NRBF2: variants seen among roughly 807,000 people sequenced by gnomAD.
The protein encoded by NRBF2 is nuclear receptor-binding factor 2.
NRBF2 carries 12 observed loss-of-function variants against 28.5 expected under a neutral mutation model. The observed-to-expected ratio is 0.42, with a 90% CI of 0.27 to 0.68. The LOEUF is 0.68. Ranked by LOEUF, NRBF2 falls within the 30% of genes least tolerant of loss-of-function variation. The pLI, the probability that NRBF2 is intolerant of heterozygous loss-of-function variation, is 0.24. For synonymous variants in NRBF2, 102 were observed against 116.5 expected, an observed-to-expected ratio of 0.88 and a Z score of 0.80; for missense variants, 274 against 333.5, an observed-to-expected ratio of 0.82 and a Z score of 1.39.
In NRBF2 at chr10:63,145,612, T is replaced by A. The variant is rs1841548573; in HGVS notation, c.31-597T>A. ...TTTGCTGTTAGAACTTCTGATTTTT[T>A]TGACTTTGTTCTTTTGATGAGATAT... On this transcript the variant is annotated intron_variant, in intron 1 of 3. Coordinates refer to ENST00000277746, the MANE Select transcript of NRBF2 (RefSeq NM_030759.5). Among the ~76,000 whole-genome samples, 4 of 152,264 alleles carry A rather than the reference T, an allele frequency of 2.6e-5. No individual in the cohort carries two copies. In the South Asian group the frequency reaches 8.3e-4, roughly 31 times the overall value.
chr10:63,149,203 G>A (rs1218086678), intron 2 of NRBF2, among the ~76,000 whole-genome samples: 6 of 152,080 alleles, frequency 3.9e-5, no homozygotes, highest in East Asian at 3.9e-4. Context: ...TGCAACCTCC[G>A]CCTCCCAGGC....
chr10:63,143,062 T>A (rs1841500645), intron 1 of NRBF2, among the ~76,000 whole-genome samples: 2 of 152,162 alleles, frequency 1.3e-5, no homozygotes, highest in South Asian at 4.1e-4. Context: ...ATTACAGGCA[T>A]GAGCCACTGC....
chr10:63,133,382 C>A lies in NRBF2; in HGVS notation c.-89C>A, dbSNP rs778317626. 5 of 1,502,288 alleles carry A rather than the reference C, an allele frequency of 3.3e-6. 1 individual carries two copies. The highest frequency in any genetic ancestry group is 1.8e-4 in the Middle Eastern group (1 of 5,636). The allele number at this position is 1,502,288 out of a possible 1,614,324, so 93.1% of individuals were successfully genotyped here. A position where few individuals can be genotyped will look rare whatever the true frequency, so the allele number is the denominator to read the frequency against. On this transcript the variant is annotated 5_prime_UTR_variant, in exon 1 of 4. Transcript: ENST00000277746. ...GGGCGCAGAGAGGGGCCGCAGTCTCCGCGGCTGCGTCGAGCTCCCTTGCAG... is the reference window on the plus strand; with the variant it reads ...GGGCGCAGAGAGGGGCCGCAGTCTCAGCGGCTGCGTCGAGCTCCCTTGCAG...
At chr10:63,135,173 C>T (rs1366799831) in intron 1 of NRBF2, among the ~76,000 whole-genome samples, 1 of 152,120 alleles carries the variant, frequency 6.6e-6, no homozygotes, top group African/African-American at 2.4e-5. Flanking sequence ...GGCGACAGAG[C>T]GAGACTCTGA....
intron 1 of NRBF2, among the ~76,000 whole-genome samples, chr10:63,144,477 C>T (rs1346840555): frequency 3.3e-5 from 5 of 149,822 alleles, no homozygotes; most frequent in African/African-American, 9.8e-5. Flanking sequence ...TGGAGTGGCG[C>T]GATCTCGGCT....
At chr10:63,147,078 T>A (rs10733787) in intron 2 of NRBF2, among the ~76,000 whole-genome samples, 101,092 of 151,954 alleles carry the variant, frequency 0.67, 36,173 homozygotes, top group Non-Finnish European at 0.81. Context: ...TACTCATGCC[T>A]CATCCAAAAT....
At chr10:63,152,093 A>T in intron 2 of NRBF2, 57 bp from the exon 3 acceptor site, 1 of 1,257,064 alleles carries the variant, frequency 8.0e-7, no homozygotes, top group Non-Finnish European at 1.2e-6. Flanking sequence ...TCTTCCTTTT[A>T]CCTGTTAATT....
intron 1 of NRBF2, among the ~76,000 whole-genome samples, chr10:63,145,799 T>C (rs1233440683): frequency 6.6e-6 from 1 of 152,252 alleles, no homozygotes; most frequent in Non-Finnish European, 1.5e-5. Context: ...ATTTCCTGAT[T>C]ATAGTTTTTA....
intron 1 of NRBF2, among the ~76,000 whole-genome samples, chr10:63,143,482 G>A (rs146761441): frequency 1.1e-3 from 168 of 150,898 alleles, no homozygotes; most frequent in African/African-American, 3.9e-3. Flanking sequence ...TTTTGGGACC[G>A]AGTCTCACTG....
chr10:63,137,658 AAAAGT>A lies in NRBF2; in HGVS notation c.30+4160_30+4164del, dbSNP rs576427810. Among the ~76,000 whole-genome samples, 21 of 152,326 alleles carry A rather than the reference AAAAGT, an allele frequency of 1.4e-4. No homozygotes were observed. The South Asian group carries it at 4.3e-3, about 32-fold the overall frequency. ...CCTCTTACTTTCCAGCTTCTGTAAG[AAAAGT>A]AGTCAGATATCATGGTCCAAGGAAT... On this transcript the variant is annotated intron_variant, in intron 1 of 3. Coordinates refer to ENST00000277746, the MANE Select transcript of NRBF2 (RefSeq NM_030759.5).
chr10:63,146,322 A>G (rs1339010578), intron 2 of NRBF2, 29 bp downstream of exon 2: 2 of 1,477,172 alleles, frequency 1.4e-6, no homozygotes, highest in South Asian at 2.4e-5. Flanking sequence ...TACTCAGTGT[A>G]AAACTGAAGA....
In NRBF2 at chr10:63,154,304, TAGA is replaced by T; in HGVS notation, c.*89_*91del. The T allele has an allele frequency of 1.1e-6, 1 of 883,816 alleles. No homozygotes were observed. Among genetic ancestry groups the T allele is most frequent in the Non-Finnish European group, 1.7e-6 (1 of 574,962 alleles). The allele number at this position is 883,816 out of a possible 1,614,324, so 54.7% of individuals were successfully genotyped here. On this transcript the variant is annotated 3_prime_UTR_variant, in exon 4 of 4. Transcript: ENST00000277746. ...AAAGAAATGAAAAGGGAAAACCACA[TAGA>T]AGGGTAATCCCGGAAATGCTTCATC...
At chr10:63,146,381 C>T in intron 2 of NRBF2, 88 bp downstream of exon 2, 1 of 828,948 alleles carries the variant, frequency 1.2e-6, no homozygotes. Flanking sequence ...ATATGCAAGA[C>T]TGATACTGCT....
chr10:63,136,035 C>T (rs1265063232), intron 1 of NRBF2, among the ~76,000 whole-genome samples: 2 of 151,812 alleles, frequency 1.3e-5, no homozygotes, highest in East Asian at 3.8e-4. Flanking sequence ...CAGACGTTGA[C>T]GGTTACTTGA....
intron 2 of NRBF2, among the ~76,000 whole-genome samples, chr10:63,149,395 CAG>C (rs1285130371): frequency 3.3e-5 from 5 of 152,160 alleles, no homozygotes; most frequent in African/African-American, 1.2e-4. Context: ...AGATATTCTT[CAG>C]ATTTCCTTAG....
At chr10:63,139,692 C>T (rs1429595356) in intron 1 of NRBF2, among the ~76,000 whole-genome samples, 50 of 152,200 alleles carry the variant, frequency 3.3e-4, no homozygotes, top group Admixed American at 3.3e-3. Flanking sequence ...CCTTTTCAGG[C>T]TTGTCTGCTT....
At chr10:63,149,516 T>TTCTA (rs774638610) in intron 2 of NRBF2, among the ~76,000 whole-genome samples, 1 of 152,264 alleles carries the variant, frequency 6.6e-6, no homozygotes, top group Non-Finnish European at 1.5e-5. Context: ...GATACTCTGT[T>TTCTA]TCTAAATTTC....
chr10:63,140,232 C>T (rs868823081), intron 1 of NRBF2, among the ~76,000 whole-genome samples: 22 of 152,208 alleles, frequency 1.4e-4, no homozygotes, highest in Middle Eastern at 3.4e-3. Context: ...GTTTACAAAA[C>T]GAATCATCTG....
chr10:63,145,524 A>G (rs1376667460), intron 1 of NRBF2, among the ~76,000 whole-genome samples: 1 of 152,234 alleles, frequency 6.6e-6, no homozygotes, highest in Non-Finnish European at 1.5e-5. Flanking sequence ...GCTCTTTTGA[A>G]ATTATTAAAG....
Sources: allele counts gnomAD v4.1 joint callset (sites outside exome capture counted in the v4.1 genomes callset), GRCh38; gene constraint gnomAD v4.1.1; transcripts MANE v1.5; gene names NCBI Gene and HGNC (gene_info 2026-07-23, HGNC 2026-07-21).